ARID2: variants seen among roughly 807,000 people sequenced by gnomAD.
The protein encoded by ARID2 is AT-rich interaction domain 2.
A neutral mutation model predicts 184.6 loss-of-function variants in ARID2; 32 were observed. That is an observed-to-expected ratio of 0.17 (90% CI 0.13 to 0.23). ARID2 has a LOEUF of 0.23. Ranked by LOEUF, ARID2 falls within the 10% of genes least tolerant of loss-of-function variation. The pLI is 1.00. For missense variants in ARID2, 1,696 were observed against 2,197.6 expected, an observed-to-expected ratio of 0.77 and a Z score of 4.56; for synonymous variants, 836 against 772.6, an observed-to-expected ratio of 1.08 and a Z score of -1.36.
chr12:45,850,451 C>A lies in ARID2; in HGVS notation c.2328C>A (p.His776Gln). The A allele has an allele frequency of 6.2e-7, 1 of 1,614,042 alleles. No individual in the cohort carries two copies. Among genetic ancestry groups the A allele is most frequent in the Non-Finnish European group, 8.5e-7 (1 of 1,179,968 alleles). Residue 776 changes from histidine (H) to glutamine (Q), a missense_variant, in exon 15 of 21, where the codon CAC (histidine) becomes CAA (glutamine). By Grantham distance (24) the His-to-Gln change is conservative. Around this residue, in one of 11 missense-constraint regions of ARID2, gnomAD observed 713 missense variants for 824.4 expected, o/e 0.86. Transcript: ENST00000334344. ...TAATTCCACAGCAGTCTCCATTACA[C>A]ACAGTGGTACCAGGACAGATCCCTT... ...PSVIPQQSPL[H>Q]TVVPGQIPSG...
At chr12:45,734,878 C>T (rs1207349323) in intron 3 of ARID2, among the ~76,000 whole-genome samples, 2 of 152,096 alleles carry the variant, frequency 1.3e-5, no homozygotes, top group Non-Finnish European at 2.9e-5. Context: ...GCCAATATTA[C>T]AGCTATAGTC....
chr12:45,864,787 G>A (rs1248265936), intron 16 of ARID2, among the ~76,000 whole-genome samples: 1 of 152,018 alleles, frequency 6.6e-6, no homozygotes, highest in African/African-American at 2.4e-5. Context: ...ATTTCATTAA[G>A]GTTTGTAAAA....
At position 45,800,162 on chromosome 12, in the gene ARID2, G is replaced by T. The variant is rs557872291; in HGVS notation, c.285-11256G>T. Among the ~76,000 whole-genome samples the T allele has an allele frequency of 5.3e-5, 8 of 152,048 alleles. No homozygotes were observed. In the South Asian group the frequency reaches 1.2e-3, roughly 24 times the overall value. On this transcript the variant is annotated intron_variant, in intron 3 of 20. Coordinates refer to ENST00000334344, the MANE Select transcript of ARID2 (RefSeq NM_152641.4). ...TCTGTGCCCAGAAAATTTAATTTTC[G>T]TACTGAAAATAGACTCATAGATAGT...
At chr12:45,846,812 C>T (rs760343453) in intron 11 of ARID2, 44 bp from the exon 12 acceptor site, 34 of 1,589,176 alleles carry the variant, frequency 2.1e-5, no homozygotes, top group Non-Finnish European at 2.8e-5. Flanking sequence ...CAAATAGTGA[C>T]TAACTTTTAA....
rs1942553948 is a variant in ARID2, at chr12:45,803,973, A to G, written c.285-7445A>G. Reference sequence around the variant, plus strand: ...CTCTTATGCATTCCACTTTGTCTGAAGTAGGATGAGTAACATATGGAGTGC... The same window carrying G: ...CTCTTATGCATTCCACTTTGTCTGAGGTAGGATGAGTAACATATGGAGTGC... On this transcript the variant is annotated intron_variant, in intron 3 of 20. Coordinates refer to ENST00000334344, the MANE Select transcript of ARID2 (RefSeq NM_152641.4). Among the ~76,000 whole-genome samples, 4 of 152,288 alleles carry G rather than the reference A, an allele frequency of 2.6e-5. No individual in the cohort carries two copies. The East Asian group carries it at 5.8e-4, about 22-fold the overall frequency.
chr12:45,777,785 AT>A (rs1199973107), intron 3 of ARID2, among the ~76,000 whole-genome samples: 1 of 148,294 alleles, frequency 6.7e-6, no homozygotes, highest in African/African-American at 2.4e-5. Flanking sequence ...TAAAGTTTAT[AT>A]TTTTTATATA....
chr12:45,827,401 T>G (rs1348249134), intron 6 of ARID2, among the ~76,000 whole-genome samples: 2 of 152,158 alleles, frequency 1.3e-5, no homozygotes, highest in African/African-American at 2.4e-5. Context: ...ATTTATTTGG[T>G]AAAATATTTT....
intron 16 of ARID2, among the ~76,000 whole-genome samples, chr12:45,876,958 G>C (rs369435749): frequency 6.6e-6 from 1 of 151,796 alleles, no homozygotes; most frequent in Non-Finnish European, 1.5e-5. Context: ...CAGGCCTGGT[G>C]GTGGGCACCT....
chr12:45,810,953 T>C (rs1345611862), intron 3 of ARID2, among the ~76,000 whole-genome samples: 1 of 152,050 alleles, frequency 6.6e-6, no homozygotes, highest in Non-Finnish European at 1.5e-5. Context: ...CTCATGCCTG[T>C]AATCCCAGCA....
At chr12:45,788,298 A>G (rs1365908762) in intron 3 of ARID2, among the ~76,000 whole-genome samples, 1 of 152,148 alleles carries the variant, frequency 6.6e-6, no homozygotes, top group African/African-American at 2.4e-5. Context: ...AGTCTTCTTT[A>G]CAACAAACCG....
intron 16 of ARID2, among the ~76,000 whole-genome samples, chr12:45,870,431 T>A (rs1424110766): frequency 1.3e-5 from 2 of 152,222 alleles, no homozygotes; most frequent in Non-Finnish European, 2.9e-5. Flanking sequence ...TGATAATTGA[T>A]GAGCCAATAT....
chr12:45,834,632 A>C (rs1565614212), intron 6 of ARID2, among the ~76,000 whole-genome samples: 1 of 152,172 alleles, frequency 6.6e-6, no homozygotes, highest in Admixed American at 6.5e-5. Flanking sequence ...AATCCCAGCT[A>C]CTTGGGAGGT....
At chr12:45,817,122 G>T (rs775980173) in intron 4 of ARID2, among the ~76,000 whole-genome samples, 1 of 152,180 alleles carries the variant, frequency 6.6e-6, no homozygotes, top group Non-Finnish European at 1.5e-5. Flanking sequence ...TTGGGAGGCC[G>T]CAGCCGGAGA....
At chr12:45,745,232 T>C (rs900333419) in intron 3 of ARID2, among the ~76,000 whole-genome samples, 1 of 152,230 alleles carries the variant, frequency 6.6e-6, no homozygotes, top group Non-Finnish European at 1.5e-5. Flanking sequence ...AAGAAGTGTG[T>C]AGTTAGCTAT....
intron 3 of ARID2, among the ~76,000 whole-genome samples, chr12:45,761,531 A>C (rs901594637): frequency 2.0e-5 from 3 of 152,094 alleles, no homozygotes; most frequent in African/African-American, 7.2e-5. Context: ...TATTTTGAGG[A>C]TAGGGTAATG....
chr12:45,753,956 T>C (rs1941516838), intron 3 of ARID2, among the ~76,000 whole-genome samples: 1 of 152,216 alleles, frequency 6.6e-6, no homozygotes, highest in South Asian at 2.1e-4. Flanking sequence ...TTCAACATGA[T>C]GAAGTACTAA....
At chr12:45,785,322 C>T (rs151266481) in intron 3 of ARID2, among the ~76,000 whole-genome samples, 1 of 152,236 alleles carries the variant, frequency 6.6e-6, no homozygotes, top group East Asian at 1.9e-4. Context: ...TAATACTTAC[C>T]TCATAGTGTT....
chr12:45,871,309 A>G (rs547258909), intron 16 of ARID2, among the ~76,000 whole-genome samples: 1 of 152,192 alleles, frequency 6.6e-6, no homozygotes, highest in East Asian at 1.9e-4. Flanking sequence ...GTTTGCTGAG[A>G]GCTTTTGGCA....
intron 15 of ARID2, 93 bp from the exon 16 acceptor site, chr12:45,860,708 T>G (rs1197486877): frequency 1.9e-5 from 21 of 1,114,178 alleles, no homozygotes; most frequent in Non-Finnish European, 2.4e-5. Flanking sequence ...GGTAGAAATG[T>G]ATAACAACAT....
Sources: allele counts gnomAD v4.1 joint callset (sites outside exome capture counted in the v4.1 genomes callset), GRCh38; gene constraint gnomAD v4.1.1; regional missense constraint gnomAD v4.1.1; transcripts MANE v1.5; gene names NCBI Gene and HGNC (gene_info 2026-07-23, HGNC 2026-07-21).